CIMIP6: variants seen among roughly 807,000 people sequenced by gnomAD.
The protein encoded by CIMIP6 is uncharacterized protein C2orf73.
chr2:54,350,837 A>G, the CIMIP6 span, among the ~76,000 whole-genome samples: 1 of 152,256 alleles, frequency 6.6e-6, no homozygotes, highest in South Asian at 2.1e-4. Flanking sequence ...AGCTAAATGC[A>G]GAATTCTGGG....
At chr2:54,345,011 C>T in the CIMIP6 span, among the ~76,000 whole-genome samples, 2 of 152,010 alleles carry the variant, frequency 1.3e-5, no homozygotes, top group Non-Finnish European at 2.9e-5. Context: ...CATTTAATTC[C>T]CACATGAACT....
chr2:54,360,713 C>A, the CIMIP6 span: 2 of 809,250 alleles, frequency 2.5e-6, no homozygotes, highest in Non-Finnish European at 1.8e-6. Flanking sequence ...AATTAAAATA[C>A]AACCAAATGT....
chr2:54,354,485 T>C, the CIMIP6 span, among the ~76,000 whole-genome samples: 1 of 152,156 alleles, frequency 6.6e-6, no homozygotes, highest in Non-Finnish European at 1.5e-5. Flanking sequence ...GTCTATTCAG[T>C]TCTACTTTTA....
the CIMIP6 span, among the ~76,000 whole-genome samples, chr2:54,353,102 C>A: frequency 6.6e-6 from 1 of 152,100 alleles, no homozygotes; most frequent in Non-Finnish European, 1.5e-5. Context: ...ATGTAGATCT[C>A]CTTGCAGTAG....
At chr2:54,371,538 C>G in the CIMIP6 span, among the ~76,000 whole-genome samples, 3 of 152,360 alleles carry the variant, frequency 2.0e-5, no homozygotes, top group Non-Finnish European at 4.4e-5. Flanking sequence ...ACCCCACCCC[C>G]ACTCCACACC....
chr2:54,345,917 A>G, the CIMIP6 span, among the ~76,000 whole-genome samples: 1 of 152,234 alleles, frequency 6.6e-6, no homozygotes, highest in African/African-American at 2.4e-5. Context: ...ATAAGTATCA[A>G]CATGGAATCA....
the CIMIP6 span, among the ~76,000 whole-genome samples, chr2:54,366,538 C>T: frequency 6.6e-6 from 1 of 152,040 alleles, no homozygotes; most frequent in African/African-American, 2.4e-5. Context: ...GGGGAAAAAT[C>T]AATTTTGAAC....
the CIMIP6 span, among the ~76,000 whole-genome samples, chr2:54,343,426 T>G: frequency 6.6e-6 from 1 of 152,174 alleles, no homozygotes; most frequent in Non-Finnish European, 1.5e-5. Flanking sequence ...AATCATAGTA[T>G]AAAACAAATA....
At chr2:54,382,029 C>A in the CIMIP6 span, 1 of 1,477,206 alleles carries the variant, frequency 6.8e-7, no homozygotes, top group South Asian at 1.4e-5. Context: ...AAGCTAAGGC[C>A]CAGAGAAGTT....
chr2:54,338,457 A>G, the CIMIP6 span, among the ~76,000 whole-genome samples: 1 of 74,402 alleles, frequency 1.3e-5, no homozygotes, highest in Non-Finnish European at 3.5e-5. Flanking sequence ...TTAAAATAAT[A>G]AAATAAAAAC....
chr2:54,382,269 T>C, the CIMIP6 span, among the ~76,000 whole-genome samples: 1 of 152,164 alleles, frequency 6.6e-6, no homozygotes, highest in South Asian at 2.1e-4. Context: ...AGAGTAAATA[T>C]TCAAGAGAAA....
At chr2:54,349,358 A>C in the CIMIP6 span, among the ~76,000 whole-genome samples, 3 of 152,210 alleles carry the variant, frequency 2.0e-5, no homozygotes, top group Non-Finnish European at 2.9e-5. Context: ...AGACACAAAG[A>C]ATTAAGAAAA....
the CIMIP6 span, among the ~76,000 whole-genome samples, chr2:54,342,415 C>A: frequency 6.6e-6 from 1 of 152,020 alleles, no homozygotes; most frequent in African/African-American, 2.4e-5. Flanking sequence ...ATTTTTGCTG[C>A]CTTTGACAAT....
At chr2:54,353,098 A>G in the CIMIP6 span, among the ~76,000 whole-genome samples, 6 of 152,312 alleles carry the variant, frequency 3.9e-5, no homozygotes, top group African/African-American at 1.2e-4. Context: ...TCTTATGTAG[A>G]TCTCCTTGCA....
the CIMIP6 span, among the ~76,000 whole-genome samples, chr2:54,363,882 T>A: frequency 6.6e-6 from 1 of 152,194 alleles, no homozygotes; most frequent in Admixed American, 6.5e-5. Flanking sequence ...GACTGACAAA[T>A]GTCACTGAGG....
chr2:54,335,840 C>T, the CIMIP6 span, among the ~76,000 whole-genome samples: 1 of 152,164 alleles, frequency 6.6e-6, no homozygotes, highest in African/African-American at 2.4e-5. Flanking sequence ...CCTTTCCCAG[C>T]TTCTAGAGAC....
chr2:54,344,765 TA>T, the CIMIP6 span, among the ~76,000 whole-genome samples: 4 of 151,770 alleles, frequency 2.6e-5, no homozygotes, highest in Admixed American at 6.6e-5. Flanking sequence ...TTATGCCAGT[TA>T]AAAAAAAGAT....
the CIMIP6 span, chr2:54,360,713 C>G: frequency 1.2e-6 from 1 of 809,372 alleles, no homozygotes; most frequent in Non-Finnish European, 1.8e-6. Flanking sequence ...AATTAAAATA[C>G]AACCAAATGT....
At chr2:54,337,699 T>G in the CIMIP6 span, among the ~76,000 whole-genome samples, 1 of 152,206 alleles carries the variant, frequency 6.6e-6, no homozygotes, top group African/African-American at 2.4e-5. Context: ...AACAAAGGTG[T>G]TAAGAGCTGC....
Sources: gnomAD v4.1 joint callset for allele counts (sites outside exome capture counted in the v4.1 genomes callset) on GRCh38, gnomAD v4.1.1 for gene constraint, MANE v1.5 for transcripts, NCBI Gene and HGNC (gene_info 2026-07-23, HGNC 2026-07-21) for gene names.